ZDHHC21: variants seen among roughly 807,000 people sequenced by gnomAD.
ZDHHC21 encodes the protein palmitoyltransferase ZDHHC21.
In ZDHHC21, 15 loss-of-function variants were observed where a neutral mutation model predicts 34.6. The ratio of observed to expected loss-of-function variants is 0.43; its 90% CI spans 0.29 to 0.67. The LOEUF is 0.67. ZDHHC21 is among the 30% of genes least tolerant of loss of function. The pLI, the probability that ZDHHC21 is intolerant of heterozygous loss-of-function variation, is 0.14. For synonymous variants in ZDHHC21, 142 were observed against 101.8 expected (o/e 1.40, Z -2.38); for missense variants, 344 against 327.7 (o/e 1.05, Z -0.38).
At position 14,618,957 on chromosome 9, in the gene ZDHHC21, T is replaced by C. The variant is rs1003974345; in HGVS notation, c.*9A>G. ...ATGGAGGACCCATCTGTGCCCACCATCCATCTGTTTAGACATGATTGGCAA... is the reference window on the plus strand; with the variant it reads ...ATGGAGGACCCATCTGTGCCCACCACCCATCTGTTTAGACATGATTGGCAA... On this transcript the variant is annotated 3_prime_UTR_variant, in exon 10 of 10. Coordinates refer to ENST00000380916, the MANE Select transcript of ZDHHC21 (RefSeq NM_178566.6). 4 of 1,591,660 alleles carry C rather than the reference T, an allele frequency of 2.5e-6. No individual in the cohort carries two copies. Among genetic ancestry groups the C allele is most frequent in the African/African-American group, 2.7e-5 (2 of 73,812 alleles).
chr9:14,647,568 G>A (rs572391985), intron 7 of ZDHHC21, among the ~76,000 whole-genome samples: 3 of 151,988 alleles, frequency 2.0e-5, no homozygotes, highest in African/African-American at 7.2e-5. Flanking sequence ...ACCCCGACGG[G>A]AGCTCCAATT....
intron 2 of ZDHHC21, among the ~76,000 whole-genome samples, chr9:14,689,888 C>G (rs1388171007): frequency 6.6e-6 from 1 of 152,076 alleles, no homozygotes; most frequent in East Asian, 1.9e-4. Context: ...TTAGAATCTT[C>G]TAACAAAAAG....
At position 14,674,258 on chromosome 9, in the gene ZDHHC21, A is replaced by G; in HGVS notation, c.83T>C (p.Ile28Thr). Residue 28 changes from isoleucine (I) to threonine (T), a missense_variant, in exon 4 of 10, where the codon ATT (isoleucine) becomes ACT (threonine). Transcript: ENST00000380916. ...GAGGACAATTTTGGGAATTAAAACAATATTGTATAACCAAACAAAGACAAT... is the reference window on the plus strand; with the variant it reads ...GAGGACAATTTTGGGAATTAAAACAGTATTGTATAACCAAACAAAGACAAT... ...GLIVFVWLYN[I>T]VLIPKIVLFP... The G allele has an allele frequency of 6.3e-7, 1 of 1,597,528 alleles. No individual in the cohort carries two copies. Among genetic ancestry groups the G allele is most frequent in the Non-Finnish European group, 8.5e-7 (1 of 1,173,714 alleles).
intron 3 of ZDHHC21, among the ~76,000 whole-genome samples, chr9:14,675,829 C>T (rs1171736354): frequency 6.6e-6 from 1 of 151,866 alleles, no homozygotes; most frequent in African/African-American, 2.4e-5. Context: ...AGAAGTGAAA[C>T]CTGAATTCAG....
intron 3 of ZDHHC21, among the ~76,000 whole-genome samples, chr9:14,676,815 A>AT (rs1320830366): frequency 1.3e-5 from 2 of 152,014 alleles, no homozygotes; most frequent in African/African-American, 2.4e-5. Context: ...GACAATGTTA[A>AT]TTTTTTAGTC....
chr9:14,655,735 C>T (rs1832089765), intron 7 of ZDHHC21, among the ~76,000 whole-genome samples: 1 of 150,466 alleles, frequency 6.6e-6, no homozygotes, highest in Non-Finnish European at 1.5e-5. Context: ...ATTAGAAATT[C>T]CAAAACAGGA....
At chr9:14,684,482 A>C (rs1050806140) in intron 2 of ZDHHC21, among the ~76,000 whole-genome samples, 1 of 147,536 alleles carries the variant, frequency 6.8e-6, no homozygotes, top group African/African-American at 2.5e-5. Context: ...ATACCTAGGA[A>C]TCCAACTTAC....
At chr9:14,647,671 C>T (rs1382075370) in intron 7 of ZDHHC21, among the ~76,000 whole-genome samples, 3 of 123,786 alleles carry the variant, frequency 2.4e-5, no homozygotes, top group Admixed American at 2.4e-4. Context: ...ATTTCTCTTT[C>T]AATTTACCAC....
At chr9:14,664,664 T>G (rs190770903) in intron 5 of ZDHHC21, among the ~76,000 whole-genome samples, 3,119 of 151,582 alleles carry the variant, frequency 0.021, 37 homozygotes, top group Non-Finnish European at 0.034. Flanking sequence ...ATCTGAGAAC[T>G]GGCAGACTGC....
intron 6 of ZDHHC21, among the ~76,000 whole-genome samples, chr9:14,659,444 C>CTA (rs1255599137): frequency 6.6e-6 from 1 of 152,162 alleles, no homozygotes; most frequent in African/African-American, 2.4e-5. Context: ...ATACACACAG[C>CTA]TATACTTCCA....
chr9:14,692,102 A>G (rs1186772660), intron 1 of ZDHHC21, among the ~76,000 whole-genome samples: 2 of 152,260 alleles, frequency 1.3e-5, no homozygotes, highest in South Asian at 4.2e-4. Context: ...AATTCTTCAA[A>G]TATCTTTTTG....
In ZDHHC21 at chr9:14,612,881, C is replaced by G. The variant is rs1465842693; in HGVS notation, c.*6085G>C. 1 of 82,576 alleles carries G rather than the reference C, an allele frequency of 1.2e-5. No homozygotes were observed. The highest frequency in any genetic ancestry group is 7.8e-5 in the African/African-American group (1 of 12,796). The allele number at this position is 82,576 out of a possible 1,614,324, so 5.1% of individuals were successfully genotyped here. On this transcript the variant is annotated 3_prime_UTR_variant, in exon 10 of 10. Coordinates refer to ENST00000380916, the MANE Select transcript of ZDHHC21 (RefSeq NM_178566.6). ...ACACACACACACACACACACACACA[C>G]GCTGAACTCGATTTGTAATGAGAAC...
chr9:14,611,841 G>A lies in ZDHHC21; in HGVS notation c.*7125C>T, dbSNP rs1823354076. ...CACTTGTCGGAATATCTCTGATTCT[G>A]GTGGAAGTTTTTACTTTTGTATCAT... On this transcript the variant is annotated 3_prime_UTR_variant, in exon 10 of 10. Coordinates refer to ENST00000380916, the MANE Select transcript of ZDHHC21 (RefSeq NM_178566.6). 1 of 151,948 alleles carries A rather than the reference G, an allele frequency of 6.6e-6. No homozygotes were observed. The highest frequency in any genetic ancestry group is 1.5e-5 in the Non-Finnish European group (1 of 67,934). 9.4% of individuals were successfully genotyped at this position (151,948 alleles called of 1,614,324 possible).
Position 14,630,670 on chromosome 9 carries a change from G to C in ZDHHC21, c.621+9226C>G, listed in dbSNP as rs74615720. ...ATGAAATGTATTTCTTAAATGGTAA[G>C]ACTTAAAAGTTGAAATTACTACTCC... On this transcript the variant is annotated intron_variant, in intron 8 of 9. Coordinates refer to ENST00000380916, the MANE Select transcript of ZDHHC21 (RefSeq NM_178566.6). 9.9e-4 allele frequency among the ~76,000 whole-genome samples: 151 copies of C among 152,290 alleles called. 1 individual carries two copies. The highest frequency in any genetic ancestry group is 3.5e-3 in the African/African-American group (145 of 41,566).
chr9:14,690,932 G>A (rs1211285994), intron 1 of ZDHHC21, among the ~76,000 whole-genome samples: 1 of 152,092 alleles, frequency 6.6e-6, no homozygotes, highest in Non-Finnish European at 1.5e-5. Context: ...CATGTGAAAA[G>A]TTGAATCTGA....
At chr9:14,627,750 T>C (rs1201468987) in intron 8 of ZDHHC21, among the ~76,000 whole-genome samples, 1 of 152,174 alleles carries the variant, frequency 6.6e-6, no homozygotes, top group Non-Finnish European at 1.5e-5. Context: ...CACTTCTTGA[T>C]TAACTCTCTC....
In ZDHHC21 at chr9:14,619,101, A is replaced by G. The variant is rs988263957; in HGVS notation, c.666-3T>C. ...GCCATGGCTTTCGGGGCCTCGATCTACAGAAGACAGCATTATTAGTGAAAG... is the reference window on the plus strand; with the variant it reads ...GCCATGGCTTTCGGGGCCTCGATCTGCAGAAGACAGCATTATTAGTGAAAG... On this transcript the variant is annotated splice_region_variant and splice_polypyrimidine_tract_variant and intron_variant, in intron 9 of 9. Transcript: ENST00000380916. The G allele has an allele frequency of 1.9e-6, 3 of 1,603,970 alleles. No homozygotes were observed. Among genetic ancestry groups the G allele is most frequent in the East Asian group, 4.5e-5 (2 of 44,548 alleles).
chr9:14,688,772 GA>G (rs1334123904), intron 2 of ZDHHC21, among the ~76,000 whole-genome samples: 1 of 152,240 alleles, frequency 6.6e-6, no homozygotes, highest in African/African-American at 2.4e-5. Flanking sequence ...TGAGACAGGA[GA>G]ATTGCTTGAA....
At chr9:14,642,162 TA>T (rs1258566189) in intron 7 of ZDHHC21, among the ~76,000 whole-genome samples, 3 of 152,214 alleles carry the variant, frequency 2.0e-5, no homozygotes, top group Admixed American at 2.0e-4. Flanking sequence ...AGTATTTATG[TA>T]AAATACAGTA....
Sources: gnomAD v4.1 joint callset for allele counts (sites outside exome capture counted in the v4.1 genomes callset) on GRCh38, gnomAD v4.1.1 for gene constraint, MANE v1.5 for transcripts, NCBI Gene and HGNC (gene_info 2026-07-23, HGNC 2026-07-21) for gene names.